Variants in GPATCH2 observed in about 807,000 individuals in gnomAD.
GPATCH2 encodes G patch domain-containing protein 2.
Under a neutral mutation model 58.0 loss-of-function variants are expected in GPATCH2, and 51 were observed. The ratio of observed to expected loss-of-function variants is 0.88; its 90% CI spans 0.70 to 1.11. GPATCH2 has a LOEUF of 1.11. GPATCH2 is among the 50% of genes most tolerant of loss of function. The pLI is 0.00. For missense variants in GPATCH2, 625 were observed against 652.2 expected (o/e 0.96, Z 0.45); for synonymous variants, 222 against 218.5 (o/e 1.02, Z -0.14).
chr1:217,584,366 C>T (rs56798154), intron 5 of GPATCH2, among the ~76,000 whole-genome samples: 10,009 of 103,964 alleles, frequency 0.096, 761 homozygotes, highest in East Asian at 0.31. Flanking sequence ...TATATATATA[C>T]ACACACACAA....
chr1:217,586,197 TAATA>T (rs1667333195), intron 5 of GPATCH2, among the ~76,000 whole-genome samples: 1 of 152,202 alleles, frequency 6.6e-6, no homozygotes, highest in African/African-American at 2.4e-5. Flanking sequence ...CTTTCTTCAA[TAATA>T]AATTAACCTT....
intron 8 of GPATCH2, among the ~76,000 whole-genome samples, chr1:217,477,829 G>A (rs1332734018): frequency 1.3e-5 from 2 of 152,132 alleles, no homozygotes; most frequent in African/African-American, 2.4e-5. Flanking sequence ...AGGGAGTGTG[G>A]TTACAACAGG....
At chr1:217,586,922 A>C (rs10863327) in intron 5 of GPATCH2, among the ~76,000 whole-genome samples, 76,342 of 151,964 alleles carry the variant, frequency 0.5, 19,969 homozygotes, top group East Asian at 0.92. Flanking sequence ...TACTATAAAA[A>C]AAACACAAAG....
intron 5 of GPATCH2, chr1:217,609,337 AG>A (rs1442381859): frequency 1.0e-6 from 1 of 985,164 alleles, no homozygotes; most frequent in African/African-American, 1.7e-5. Context: ...AGAATCACAC[AG>A]CATTTGTTAA....
At chr1:217,433,388 ATTTATTTATTTATT>A (rs1658648834) in intron 9 of GPATCH2, among the ~76,000 whole-genome samples, 2 of 56,338 alleles carry the variant, frequency 3.6e-5, no homozygotes, top group South Asian at 4.9e-4. Flanking sequence ...ATATATATTT[ATTTATTTATTTATT>A]TATTTATTTA....
chr1:217,514,836 A>G lies in GPATCH2; in HGVS notation c.1152T>C (p.Asp384=). 6.7e-7 allele frequency: 1 copy of G among 1,500,638 alleles called. No homozygotes were observed. Among genetic ancestry groups the G allele is most frequent in the Non-Finnish European group, 9.3e-7 (1 of 1,076,726 alleles). 93.0% of individuals were successfully genotyped at this position (1,500,638 alleles called of 1,614,324 possible). ...GNKRMVHFSP[D]SHHHDHWFSP... ...TGAGTACTCACTCATGGTGATGAGA[A>G]TCCGGGGAAAAATGAACCATTCTCT... is the stretch of plus-strand genomic sequence containing the variant. Residue 384 remains aspartate, a synonymous_variant, in exon 6 of 10, where the codon GAT becomes GAC. Coordinates refer to ENST00000366935, the MANE Select transcript of GPATCH2 (RefSeq NM_018040.5).
chr1:217,598,303 A>G (rs1244036071), intron 5 of GPATCH2, among the ~76,000 whole-genome samples: 2 of 152,034 alleles, frequency 1.3e-5, no homozygotes, highest in African/African-American at 4.8e-5. Flanking sequence ...CACAAGAATC[A>G]CTTGAACCTG....
At chr1:217,575,878 G>GT (rs954491044) in intron 5 of GPATCH2, among the ~76,000 whole-genome samples, 1 of 151,948 alleles carries the variant, frequency 6.6e-6, no homozygotes, top group African/African-American at 2.4e-5. Context: ...TACTTTTTGT[G>GT]TTTTTTCCAA....
At chr1:217,499,051 T>C (rs2102548511) in intron 6 of GPATCH2, among the ~76,000 whole-genome samples, 1 of 152,254 alleles carries the variant, frequency 6.6e-6, no homozygotes, top group East Asian at 1.9e-4. Context: ...TACCGATGTA[T>C]CTGGCAATAC....
At chr1:217,571,917 G>C (rs1666574155) in intron 5 of GPATCH2, among the ~76,000 whole-genome samples, 1 of 146,596 alleles carries the variant, frequency 6.8e-6, no homozygotes, top group African/African-American at 2.5e-5. Flanking sequence ...CAGAAAGAAA[G>C]ACAGACAGAC....
At chr1:217,579,366 C>T (rs1434391513) in intron 5 of GPATCH2, among the ~76,000 whole-genome samples, 8 of 144,120 alleles carry the variant, frequency 5.6e-5, no homozygotes, top group Non-Finnish European at 1.2e-4. Context: ...TGCCCAAACA[C>T]AGACAAGAAA....
Position 217,542,230 on chromosome 1 carries a change from G to C in GPATCH2, c.1099-27341C>G, listed in dbSNP as rs1664781548. On this transcript the variant is annotated intron_variant, in intron 5 of 9. Coordinates refer to ENST00000366935, the MANE Select transcript of GPATCH2 (RefSeq NM_018040.5). ...AATAACATACTGATTGTAAGTGACA[G>C]TGTCTATTCCTTCTAATAACAACAT... Among the ~76,000 whole-genome samples, 3 of 152,190 alleles carry C rather than the reference G, an allele frequency of 2.0e-5. No homozygotes were observed. The South Asian group carries it at 6.2e-4, about 31-fold the overall frequency.
At chr1:217,608,118 G>A (rs1249240335) in intron 5 of GPATCH2, 3 of 209,500 alleles carry the variant, frequency 1.4e-5, no homozygotes, top group Non-Finnish European at 2.5e-5. Flanking sequence ...AACAGCATAA[G>A]CAACAACAAC....
chr1:217,538,169 C>A (rs1664567573), intron 5 of GPATCH2, among the ~76,000 whole-genome samples: 1 of 152,090 alleles, frequency 6.6e-6, no homozygotes, highest in African/African-American at 2.4e-5. Flanking sequence ...TTCAAGAGAT[C>A]CAAAAGGCAT....
intron 6 of GPATCH2, among the ~76,000 whole-genome samples, chr1:217,507,848 G>A (rs1224572288): frequency 6.6e-6 from 1 of 152,066 alleles, no homozygotes; most frequent in African/African-American, 2.4e-5. Flanking sequence ...GATGTGTAGT[G>A]TGTAACTTTA....
At chr1:217,488,034 C>G (rs1661537330) in intron 8 of GPATCH2, among the ~76,000 whole-genome samples, 1 of 151,822 alleles carries the variant, frequency 6.6e-6, no homozygotes, top group Non-Finnish European at 1.5e-5. Context: ...GCCACCGCAC[C>G]CAGCCTTTAA....
intron 9 of GPATCH2, among the ~76,000 whole-genome samples, chr1:217,444,690 A>C (rs1659303604): frequency 6.6e-6 from 1 of 152,210 alleles, no homozygotes; most frequent in African/African-American, 2.4e-5. Context: ...AGGCTTTACT[A>C]TTCATTCAGA....
intron 5 of GPATCH2, among the ~76,000 whole-genome samples, chr1:217,534,533 T>C (rs777058667): frequency 2.6e-5 from 4 of 151,624 alleles, no homozygotes; most frequent in Non-Finnish European, 4.4e-5. Flanking sequence ...AAATTCTGTG[T>C]TAAACTTCTT....
chr1:217,465,862 T>C (rs1218900979), intron 8 of GPATCH2, among the ~76,000 whole-genome samples: 2 of 152,202 alleles, frequency 1.3e-5, no homozygotes, highest in Admixed American at 6.5e-5. Flanking sequence ...AACATTAGAA[T>C]GTAGTCTAGT....
Sources: allele counts gnomAD v4.1 joint callset (sites outside exome capture counted in the v4.1 genomes callset), GRCh38; gene constraint gnomAD v4.1.1; transcripts MANE v1.5; gene names NCBI Gene and HGNC (gene_info 2026-07-23, HGNC 2026-07-21).